PRRC2C: variants seen among roughly 807,000 people sequenced by gnomAD.
PRRC2C encodes proline rich coiled-coil 2C, also known as protein PRRC2C.
A neutral mutation model predicts 317.2 loss-of-function variants in PRRC2C; 72 were observed. The ratio of observed to expected loss-of-function variants is 0.23; its 90% CI spans 0.19 to 0.28. The LOEUF (loss-of-function observed/expected upper bound fraction) is 0.28, where lower values mean the gene tolerates loss of function less well. Among genes scored for constraint, PRRC2C ranks in the 10% least tolerant of loss-of-function variants. PRRC2C has a pLI of 1.00. For synonymous variants in PRRC2C, 1,296 were observed against 1,205.9 expected (o/e 1.07, Z -1.55); for missense variants, 3,074 against 3,459.7 (o/e 0.89, Z 2.80).
chr1:171,580,556 A>G (rs1488468117), intron 28 of PRRC2C, among the ~76,000 whole-genome samples: 1 of 152,244 alleles, frequency 6.6e-6, no homozygotes, highest in East Asian at 1.9e-4. Context: ...TTTCACATAC[A>G]TTAACTAAAT....
Position 171,566,317 on chromosome 1 carries a change from A to T in PRRC2C, c.6202A>T (p.Asn2068Tyr). 1 of 1,607,676 alleles carries T rather than the reference A, an allele frequency of 6.2e-7. No individual in the cohort carries two copies. Among genetic ancestry groups the T allele is most frequent in the South Asian group, 1.1e-5 (1 of 89,392 alleles). The change falls in exon 21 of 35, where the codon AAT becomes TAT. Residue 2068 changes from asparagine to tyrosine, a missense_variant. By Grantham distance (143) the Asn-to-Tyr change is moderately radical. Around this residue, in one of 11 missense-constraint regions of PRRC2C, gnomAD observed 640 missense variants for 676.1 expected, o/e 0.95. Coordinates refer to ENST00000647382, the MANE Select transcript of PRRC2C (RefSeq NM_001387844.1). ...FGAPASNGNENEVVPVLSEKS... is the reference protein window; with the variant it reads ...FGAPASNGNEYEVVPVLSEKS... ...TGCTCCAGCCTCAAATGGAAATGAA[A>T]ATGAAGTTGTTCCTGTGCTTTCGGA...
intron 18 of PRRC2C, among the ~76,000 whole-genome samples, chr1:171,552,975 TA>T (rs902458480): frequency 5.3e-5 from 8 of 152,352 alleles, no homozygotes; most frequent in African/African-American, 1.9e-4. Flanking sequence ...GCTGGCCTCA[TA>T]AAATGAGTTA....
At chr1:171,566,495 G>A in intron 21 of PRRC2C, 74 bp downstream of exon 21, 1 of 1,482,310 alleles carries the variant, frequency 6.7e-7, no homozygotes, top group Middle Eastern at 1.8e-4. Flanking sequence ...ACTTTTAAAA[G>A]TGAACTTAAT....
chr1:171,497,006 G>A (rs553934762), intron 1 of PRRC2C, among the ~76,000 whole-genome samples: 19 of 152,144 alleles, frequency 1.2e-4, no homozygotes, highest in African/African-American at 4.6e-4. Context: ...GCTCAGGCTG[G>A]TCTCAAACTC....
At chr1:171,511,164 A>G (rs947969624) in intron 1 of PRRC2C, 3 of 151,480 alleles carry the variant, frequency 2.0e-5, no homozygotes, top group Middle Eastern at 3.2e-3. Context: ...AGAATTAGCC[A>G]TCTTCTACCC....
chr1:171,524,702 C>T, intron 9 of PRRC2C, 119 bp from the exon 10 acceptor site: 2 of 1,052,842 alleles, frequency 1.9e-6, no homozygotes, highest in Non-Finnish European at 2.7e-6. Flanking sequence ...CCATCTCATT[C>T]CTTAATACAT....
intron 34 of PRRC2C, 124 bp downstream of exon 34, chr1:171,589,729 T>A: frequency 3.7e-6 from 2 of 536,944 alleles, no homozygotes; most frequent in Non-Finnish European, 5.6e-6. Flanking sequence ...CCAAGCTAAC[T>A]ACTTTTATTC....
intron 24 of PRRC2C, among the ~76,000 whole-genome samples, chr1:171,572,034 A>G (rs1684844155): frequency 6.6e-6 from 1 of 151,918 alleles, no homozygotes; most frequent in Admixed American, 6.6e-5. Context: ...ATTTTGAGCT[A>G]TGTTAATGAT....
intron 27 of PRRC2C, 74 bp downstream of exon 27, chr1:171,579,540 A>G: frequency 3.3e-6 from 5 of 1,534,370 alleles, no homozygotes; most frequent in Non-Finnish European, 3.5e-6. Flanking sequence ...ATCTTGGAAC[A>G]TAAATAATAG....
At chr1:171,513,965 C>T (rs1341277232) in intron 3 of PRRC2C, among the ~76,000 whole-genome samples, 2 of 152,120 alleles carry the variant, frequency 1.3e-5, no homozygotes, top group Non-Finnish European at 2.9e-5. Flanking sequence ...CTCTTAACTA[C>T]TTTCTTATTT....
At chr1:171,547,222 G>A (rs562528147) in intron 17 of PRRC2C, among the ~76,000 whole-genome samples, 12 of 152,126 alleles carry the variant, frequency 7.9e-5, no homozygotes, top group Non-Finnish European at 1.5e-4. Flanking sequence ...AGAGTTAGTC[G>A]TCTTTAGTTC....
intron 12 of PRRC2C, 94 bp downstream of exon 12, chr1:171,533,055 C>T: frequency 1.6e-6 from 2 of 1,234,996 alleles, no homozygotes; most frequent in Non-Finnish European, 1.1e-6. Flanking sequence ...TATATGTAAT[C>T]AATATAAAAG....
rs779624538 is a variant in PRRC2C, at chr1:171,517,752, G to T, written c.688G>T (p.Ala230Ser). The change falls in exon 6 of 35, where the codon GCT (alanine) becomes TCT (serine). Residue 230 changes from alanine to serine, a missense_variant. Ala to Ser is a moderately conservative substitution (Grantham distance 99). This residue lies in a region of PRRC2C where 237 missense variants were observed against 199.5 expected (regional missense o/e 1.19). Transcript: ENST00000647382. ...GAGGATAGCTTGTGGTCCTCCACAG[G>T]CTAAACTGAATGGACAGCAGGCTGC... ...EKRIACGPPQ[A>S]KLNGQQAALA... The T allele has an allele frequency of 6.2e-7, 1 of 1,613,794 alleles. No homozygotes were observed. Among genetic ancestry groups the T allele is most frequent in the South Asian group, 1.1e-5 (1 of 91,058 alleles).
intron 29 of PRRC2C, 34 bp from the exon 30 acceptor site, chr1:171,584,385 T>G (rs1649379872): frequency 2.6e-6 from 4 of 1,517,248 alleles, no homozygotes; most frequent in Non-Finnish European, 2.7e-6. Context: ...TTTTTTTCAG[T>G]CTTACTCATG....
rs770967381 is a variant in PRRC2C at position 171,587,631 on chromosome 1, T to G, written c.7969-17T>G. Reference sequence around the variant, plus strand: ...GGAATTAAAGAAATGTTAAGTTTATTTTATGCTTCTCCTCAGATGTCTGAA... The same window carrying G: ...GGAATTAAAGAAATGTTAAGTTTATGTTATGCTTCTCCTCAGATGTCTGAA... On this transcript the variant is annotated splice_polypyrimidine_tract_variant and intron_variant, in intron 31 of 34. Transcript: ENST00000647382. The G allele has an allele frequency of 6.5e-6, 10 of 1,533,664 alleles. No individual in the cohort carries two copies. The highest frequency in any genetic ancestry group is 9.0e-6 in the Non-Finnish European group (10 of 1,108,990).
intron 3 of PRRC2C, chr1:171,513,488 A>T (rs1464604934): frequency 2.5e-5 from 12 of 482,406 alleles, no homozygotes; most frequent in Admixed American, 1.2e-4. Context: ...GTTGACTCCG[A>T]TACCTAAATT....
chr1:171,490,950 T>A (rs1396142868), intron 1 of PRRC2C, among the ~76,000 whole-genome samples: 1 of 152,228 alleles, frequency 6.6e-6, no homozygotes, highest in Admixed American at 6.5e-5. Flanking sequence ...ATATATTGAT[T>A]TGTGATACAA....
rs551946795 is a variant in PRRC2C at position 171,592,028 on chromosome 1, C to T, written c.*181C>T. ...CACACAGCTGCTGTACCAGTGAAAACGAGGCTTTGCAAGCTTGTACCTACT... is the reference window on the plus strand; with the variant it reads ...CACACAGCTGCTGTACCAGTGAAAATGAGGCTTTGCAAGCTTGTACCTACT... On this transcript the variant is annotated 3_prime_UTR_variant, in exon 35 of 35. Coordinates refer to ENST00000647382, the MANE Select transcript of PRRC2C (RefSeq NM_001387844.1). The T allele has an allele frequency of 9.5e-6, 7 of 740,696 alleles. No homozygotes were observed. The highest frequency in any genetic ancestry group is 1.7e-5 in the African/African-American group (1 of 57,164). 45.9% of individuals were successfully genotyped at this position (740,696 alleles called of 1,614,324 possible).
intron 1 of PRRC2C, among the ~76,000 whole-genome samples, chr1:171,498,162 A>G (rs1344500715): frequency 1.3e-5 from 2 of 152,032 alleles, no homozygotes; most frequent in Non-Finnish European, 2.9e-5. Flanking sequence ...CTTTTAGTCA[A>G]CCTTAACTGA....
Sources: gnomAD v4.1 joint callset for allele counts (sites outside exome capture counted in the v4.1 genomes callset) on GRCh38, gnomAD v4.1.1 for gene constraint, gnomAD v4.1.1 regional missense constraint, MANE v1.5 for transcripts, NCBI Gene and HGNC (gene_info 2026-07-23, HGNC 2026-07-21) for gene names.